WDR64: variants seen among roughly 807,000 people sequenced by gnomAD.
WDR64 encodes the protein WD repeat domain 64.
In WDR64, 112 loss-of-function variants were observed where a neutral mutation model predicts 139.3. The ratio of observed to expected loss-of-function variants is 0.80; its 90% CI spans 0.69 to 0.94. The LOEUF is 0.94. Ranked by LOEUF, WDR64 falls within the 40% of genes least tolerant of loss-of-function variation. The pLI is 0.00. For synonymous variants in WDR64, 444 were observed against 437.7 expected (o/e 1.01, Z -0.18); for missense variants, 1,206 against 1,293.1 (o/e 0.93, Z 1.03).
chr1:241,771,344 A>G (rs1658421329), intron 18 of WDR64, among the ~76,000 whole-genome samples: 1 of 152,164 alleles, frequency 6.6e-6, no homozygotes, highest in Non-Finnish European at 1.5e-5. Context: ...AAAAGGGAAT[A>G]ATAAAGATGA....
intron 10 of WDR64, among the ~76,000 whole-genome samples, chr1:241,724,800 T>A (rs549482777): frequency 6.1e-4 from 93 of 152,346 alleles, no homozygotes; most frequent in African/African-American, 2.2e-3. Context: ...TACCATTTAT[T>A]GAGTGCTTAA....
intron 27 of WDR64, among the ~76,000 whole-genome samples, chr1:241,799,121 T>C (rs1659447349): frequency 7.0e-6 from 1 of 142,698 alleles, no homozygotes; most frequent in Non-Finnish European, 1.5e-5. Context: ...ATCCCAGCAC[T>C]TTGGGAGGCT....
chr1:241,773,613 G>A lies in WDR64; in HGVS notation c.2430+682G>A, dbSNP rs192510724. Reference sequence around the variant, plus strand: ...CCTTCGAGTAGCTGAGGCTATAGGCGTGTGCCAGCACACCCAGCTAATTTT... The same window carrying A: ...CCTTCGAGTAGCTGAGGCTATAGGCATGTGCCAGCACACCCAGCTAATTTT... On this transcript the variant is annotated intron_variant, in intron 20 of 27. Transcript: ENST00000437684. Among the ~76,000 whole-genome samples the A allele has an allele frequency of 7.5e-4, 114 of 152,202 alleles. 2 individuals are homozygous for A. Among genetic ancestry groups the A allele is most frequent in the Admixed American group, 4.0e-3 (61 of 15,282 alleles).
intron 7 of WDR64, among the ~76,000 whole-genome samples, chr1:241,686,088 A>C (rs1035221363): frequency 3.3e-5 from 5 of 152,230 alleles, no homozygotes; most frequent in African/African-American, 1.2e-4. Flanking sequence ...ATATTCATGT[A>C]GATGATTTAA....
chr1:241,766,072 T>C, intron 15 of WDR64, 146 bp from the exon 16 acceptor site: 2 of 731,960 alleles, frequency 2.7e-6, no homozygotes, highest in East Asian at 3.1e-5. Flanking sequence ...AATAAGATTT[T>C]ACTAAATTTC....
At chr1:241,727,600 T>C (rs1035562051) in intron 10 of WDR64, among the ~76,000 whole-genome samples, 1 of 152,236 alleles carries the variant, frequency 6.6e-6, no homozygotes, top group Non-Finnish European at 1.5e-5. Flanking sequence ...TAGATACTGT[T>C]CTGAGTTCTG....
At chr1:241,751,407 T>C (rs963070564) in intron 14 of WDR64, among the ~76,000 whole-genome samples, 1 of 152,110 alleles carries the variant, frequency 6.6e-6, no homozygotes, top group African/African-American at 2.4e-5. Context: ...GGAGGAAAGA[T>C]AAACCCAACC....
chr1:241,738,588 AG>A (rs1669416734), intron 11 of WDR64, 99 bp downstream of exon 11: 1 of 1,240,758 alleles, frequency 8.1e-7, no homozygotes, highest in East Asian at 2.6e-5. Flanking sequence ...AAACAAAACT[AG>A]AAGGGTAATT....
chr1:241,705,392 A>C (rs1314470108), intron 8 of WDR64, among the ~76,000 whole-genome samples: 1 of 151,718 alleles, frequency 6.6e-6, no homozygotes, highest in Non-Finnish European at 1.5e-5. Flanking sequence ...ATACAAAAAA[A>C]ATAGCAGGGC....
intron 6 of WDR64, among the ~76,000 whole-genome samples, chr1:241,681,780 C>T (rs990351387): frequency 8.5e-5 from 13 of 152,134 alleles, no homozygotes; most frequent in Admixed American, 2.0e-4. Context: ...TCCACACCAA[C>T]GTCTATTATT....
intron 8 of WDR64, among the ~76,000 whole-genome samples, chr1:241,706,243 C>A (rs1667949494): frequency 2.0e-5 from 3 of 152,222 alleles, no homozygotes; most frequent in South Asian, 2.1e-4. Context: ...CACAGAGTGG[C>A]AAGGCTGCAT....
intron 10 of WDR64, among the ~76,000 whole-genome samples, chr1:241,737,943 G>A (rs978408865): frequency 6.6e-6 from 1 of 152,136 alleles, no homozygotes. Context: ...TGTTCCCATC[G>A]TCATAAGAGA....
At chr1:241,667,061 G>A (rs1053135022) in intron 2 of WDR64, among the ~76,000 whole-genome samples, 5 of 151,540 alleles carry the variant, frequency 3.3e-5, no homozygotes, top group Admixed American at 1.3e-4. Context: ...TTAAAATAAA[G>A]TTAAACGACT....
Position 241,795,292 on chromosome 1 carries a change from G to T in WDR64, c.3078+5G>T. 6.2e-7 allele frequency: 1 copy of T among 1,611,178 alleles called. No individual in the cohort carries two copies. The highest frequency in any genetic ancestry group is 8.5e-7 in the Non-Finnish European group (1 of 1,178,352). On this transcript the variant is annotated splice_donor_5th_base_variant and intron_variant, in intron 26 of 27. Transcript: ENST00000437684. ...GGCTCTCTGCCTATATACAGTGTGA[G>T]TTGGAGTTTCTAGGAGTAGAGGGGT...
At chr1:241,707,968 C>T (rs1217210064) in intron 8 of WDR64, among the ~76,000 whole-genome samples, 2 of 152,156 alleles carry the variant, frequency 1.3e-5, no homozygotes, top group African/African-American at 4.8e-5. Flanking sequence ...CTTTACCAGT[C>T]GGCCCTGTCC....
In WDR64 at chr1:241,761,559, A is replaced by AAT. The variant is rs1172097126; in HGVS notation, c.1947+4111_1947+4112dup. On this transcript the variant is annotated intron_variant, in intron 15 of 27. Transcript: ENST00000437684. ...TTTGTTGTATATTAGATACATTAGA[A>AAT]ATATATATATATGTATATATAGATA... 9.4e-4 allele frequency among the ~76,000 whole-genome samples: 142 copies of AAT among 151,136 alleles called. 4 individuals carry two copies. The highest frequency in any genetic ancestry group is 5.8e-4 in the East Asian group (3 of 5,172).
At chr1:241,757,984 C>A (rs771485912) in intron 15 of WDR64, among the ~76,000 whole-genome samples, 15 of 152,096 alleles carry the variant, frequency 9.9e-5, no homozygotes, top group Non-Finnish European at 2.1e-4. Context: ...CTTATAATTT[C>A]TTTCTTATGG....
At chr1:241,713,382 A>AAAGG (rs201423182) in intron 9 of WDR64, among the ~76,000 whole-genome samples, 1 of 113,300 alleles carries the variant, frequency 8.8e-6, no homozygotes, top group Non-Finnish European at 1.8e-5. Flanking sequence ...GAAGGGAAGG[A>AAAGG]AAGGAAGGAA....
chr1:241,705,157 A>G (rs977135908), intron 8 of WDR64, among the ~76,000 whole-genome samples: 1 of 152,208 alleles, frequency 6.6e-6, no homozygotes, highest in Admixed American at 6.5e-5. Context: ...CAGAACTCAC[A>G]GGCTCACCTT....
Sources: allele counts gnomAD v4.1 joint callset (sites outside exome capture counted in the v4.1 genomes callset), GRCh38; gene constraint gnomAD v4.1.1; transcripts MANE v1.5; gene names NCBI Gene and HGNC (gene_info 2026-07-23, HGNC 2026-07-21).